CP: variants seen among roughly 807,000 people sequenced by gnomAD.
The protein encoded by CP is caeruloplasmin.
In CP, 64 loss-of-function variants were observed where a neutral mutation model predicts 122.4. The ratio of observed to expected loss-of-function variants is 0.52; its 90% CI spans 0.43 to 0.64. The LOEUF is 0.64. Among genes scored for constraint, CP ranks in the 30% least tolerant of loss-of-function variants. The pLI is 0.00. For synonymous variants in CP, 440 were observed against 436.4 expected, an observed-to-expected ratio of 1.01 and a Z score of -0.10; for missense variants, 1,167 against 1,284.4, an observed-to-expected ratio of 0.91 and a Z score of 1.40.
At chr3:149,163,892 A>C in intron 5 of CP, 1 of 1,586,658 alleles carries the variant, frequency 6.3e-7, no homozygotes, top group Non-Finnish European at 8.7e-7. Flanking sequence ...TTCACGTCGT[A>C]ATATCATCTG....
chr3:149,210,306 T>C lies in CP; in HGVS notation c.468A>G (p.Thr156=). Residue 156 remains threonine, a synonymous_variant, in exon 3 of 19, where the codon ACA becomes ACG. Transcript: ENST00000264613. ...DDKVYPGEQY[T]YMLLATEEQS... is the part of the protein sequence containing the mutation. ...GTTCTTCAGTGGCAAGCAACATGTA[T>C]GTATACTGCTCTCCTGGATATACTT... The C allele has an allele frequency of 6.2e-7, 1 of 1,614,146 alleles. No homozygotes were observed.
At chr3:149,212,151 A>G (rs1277463349) in intron 2 of CP, among the ~76,000 whole-genome samples, 1 of 151,772 alleles carries the variant, frequency 6.6e-6, no homozygotes, top group Non-Finnish European at 1.5e-5. Flanking sequence ...AAAAAAATAA[A>G]AATAAAAAAG....
At chr3:149,212,761 A>C (rs1182035328) in intron 1 of CP, 63 bp from the exon 2 acceptor site, 1 of 1,548,618 alleles carries the variant, frequency 6.5e-7, no homozygotes, top group East Asian at 2.3e-5. Context: ...CATTATCATT[A>C]TAATTTAATA....
Position 149,210,249 on chromosome 3 carries a change from C to A in CP, c.525G>T (p.Val175=). ...QSPGEGDGNC[V]TRIYHSHIDA... is the part of the protein sequence containing the mutation. Reference sequence around the variant, plus strand: ...CAATGTGGGAATGGTAAATCCTAGTCACACAATTGCCATCTCCTTCCCCAG... The same window carrying A: ...CAATGTGGGAATGGTAAATCCTAGTAACACAATTGCCATCTCCTTCCCCAG... The change falls in exon 3 of 19, where the codon GTG becomes GTT. Residue 175 remains valine, a synonymous_variant. Transcript: ENST00000264613. 2 of 1,614,048 alleles carry A rather than the reference C, an allele frequency of 1.2e-6. No individual in the cohort carries two copies. Among genetic ancestry groups the A allele is most frequent in the Non-Finnish European group, 1.7e-6 (2 of 1,179,938 alleles).
At chr3:149,191,157 G>A (rs974630362) in intron 9 of CP, among the ~76,000 whole-genome samples, 2 of 151,738 alleles carry the variant, frequency 1.3e-5, no homozygotes, top group South Asian at 4.2e-4. Context: ...TCTTTGCAAG[G>A]CTGCCTTTTT....
chr3:149,206,250 T>C lies in CP; in HGVS notation c.1126A>G (p.Ile376Val). The C allele has an allele frequency of 6.2e-7, 1 of 1,614,020 alleles. No individual in the cohort carries two copies. Among genetic ancestry groups the C allele is most frequent in the South Asian group, 1.1e-5 (1 of 91,078 alleles). Residue 376 changes from isoleucine to valine, a missense_variant, in exon 6 of 19, where the codon ATT (isoleucine) becomes GTT (valine). By Grantham distance (29) the Ile-to-Val change is conservative (BLOSUM62 3). This residue lies in a region of CP where 642 missense variants were observed against 627.3 expected (regional missense o/e 1.02). Transcript: ENST00000264613. ...IRGKHVRHYY[I>V]AAEEIIWNYA... ...TTCCAGATGATTTCCTCAGCGGCAA[T>C]GTAGTAGTGTCTAACATGCTTCCCA...
chr3:149,199,401 C>T (rs923095496), intron 8 of CP, among the ~76,000 whole-genome samples: 4 of 152,132 alleles, frequency 2.6e-5, no homozygotes, highest in South Asian at 2.1e-4. Flanking sequence ...AAGTGAACAT[C>T]GAACATTCTT....
chr3:149,197,608 CCAA>C (rs1296935865), intron 9 of CP, among the ~76,000 whole-genome samples: 1 of 152,086 alleles, frequency 6.6e-6, no homozygotes, highest in African/African-American at 2.4e-5. Context: ...TTAGCGATCC[CCAA>C]CATTTTTGGC....
intron 2 of CP, among the ~76,000 whole-genome samples, chr3:149,211,954 A>T (rs756041184): frequency 2.0e-5 from 3 of 152,152 alleles, no homozygotes; most frequent in African/African-American, 4.8e-5. Flanking sequence ...GAAAGAGCAC[A>T]ACCAAGAGAA....
intron 14 of CP, among the ~76,000 whole-genome samples, chr3:149,181,448 T>C (rs180965996): frequency 7.4e-4 from 112 of 152,328 alleles, no homozygotes; most frequent in African/African-American, 2.4e-3. Flanking sequence ...TATTGAGAAA[T>C]AGTATTTTCC....
chr3:149,162,714 A>ACAATTCCTC, exon 6 of CP: 1 of 1,614,052 alleles, frequency 6.2e-7, no homozygotes, highest in African/African-American at 1.3e-5. Flanking sequence ...GGATGAAGAT[A>ACAATTCCTC]CAATTCCTCA....
intron 12 of CP, among the ~76,000 whole-genome samples, chr3:149,184,992 A>G (rs1726055717): frequency 6.6e-6 from 1 of 152,234 alleles, no homozygotes. Flanking sequence ...AAGACACTCC[A>G]GTAGAAAAGA....
chr3:149,193,566 T>G (rs35296558), intron 9 of CP, among the ~76,000 whole-genome samples: 12,685 of 152,268 alleles, frequency 0.083, 576 homozygotes, highest in Middle Eastern at 0.12. Context: ...TTTTCATAAT[T>G]TTCACAGTGT....
intron 6 of CP, among the ~76,000 whole-genome samples, chr3:149,205,598 G>A (rs1727656716): frequency 6.6e-6 from 1 of 151,952 alleles, no homozygotes; most frequent in Non-Finnish European, 1.5e-5. Context: ...GCTACAACAT[G>A]AACAAATCTT....
chr3:149,210,645 G>A (rs1317242192), intron 2 of CP, among the ~76,000 whole-genome samples: 3 of 152,024 alleles, frequency 2.0e-5, no homozygotes, highest in Non-Finnish European at 2.9e-5. Context: ...TAAAGAACTC[G>A]GGTCATGGTA....
At chr3:149,206,642 A>G (rs866653202) in intron 5 of CP, among the ~76,000 whole-genome samples, 1 of 152,240 alleles carries the variant, frequency 6.6e-6, no homozygotes, top group Non-Finnish European at 1.5e-5. Context: ...GAAAAAGAAC[A>G]AATCTGTAGA....
intron 1 of CP, among the ~76,000 whole-genome samples, chr3:149,218,196 T>C (rs1728586699): frequency 1.3e-5 from 2 of 152,240 alleles, no homozygotes; most frequent in Non-Finnish European, 2.9e-5. Flanking sequence ...TAATTTTTGC[T>C]ATTATATAGT....
Position 149,212,554 on chromosome 3 carries a change from G to C in CP, c.291C>G (p.Ile97Met). 1 of 1,613,996 alleles carries C rather than the reference G, an allele frequency of 6.2e-7. No individual in the cohort carries two copies. The stretch of plus-strand genomic sequence containing the variant: ...AAACTTTATCTCCAGTTTCAGCTTT[G>C]ATAATAGGGCCTAAAAACCCAAGCC... ...PVWLGFLGPIIKAETGDKVYV... is the reference protein window; with the variant it reads ...PVWLGFLGPIMKAETGDKVYV... The change falls in exon 2 of 19, where the codon ATC becomes ATG. Residue 97 changes from isoleucine to methionine, a missense_variant. Ile to Met is a conservative substitution (Grantham distance 10). Transcript: ENST00000264613.
chr3:149,173,144 T>C lies in CP; in HGVS notation c.*570A>G, dbSNP rs1306259999. 1 of 152,272 alleles carries C rather than the reference T, an allele frequency of 6.6e-6. No individual in the cohort carries two copies. Among genetic ancestry groups the C allele is most frequent in the African/African-American group, 2.4e-5 (1 of 41,470 alleles). 9.4% of individuals were successfully genotyped at this position (152,272 alleles called of 1,614,324 possible). A position where few individuals can be genotyped will look rare whatever the true frequency, so the allele number is the denominator to read the frequency against. The stretch of plus-strand genomic sequence containing the variant: ...TTTGTCCTTACCAGGATTTAATCTA[T>C]AGAATTGTCTCTCAACTCTGCTTTT... On this transcript the variant is annotated 3_prime_UTR_variant, in exon 19 of 19. Coordinates refer to ENST00000264613, the MANE Select transcript of CP (RefSeq NM_000096.4).
Sources: gnomAD v4.1 joint callset for allele counts (sites outside exome capture counted in the v4.1 genomes callset) on GRCh38, gnomAD v4.1.1 for gene constraint, gnomAD v4.1.1 regional missense constraint, MANE v1.5 for transcripts, NCBI Gene and HGNC (gene_info 2026-07-23, HGNC 2026-07-21) for gene names.